Variants in PLAC8 observed in about 807,000 individuals in gnomAD.
PLAC8 encodes the protein placenta-specific gene 8 protein.
A neutral mutation model predicts 12.6 loss-of-function variants in PLAC8; 6 were observed. The ratio of observed to expected loss-of-function variants is 0.48; its 90% CI spans 0.26 to 0.94. PLAC8 has a LOEUF of 0.94. PLAC8 is among the 40% of genes least tolerant of loss of function. PLAC8 has a pLI of 0.14. For synonymous variants in PLAC8, 54 were observed against 52.6 expected (o/e 1.03, Z -0.11); for missense variants, 122 against 152.7 (o/e 0.80, Z 1.06).
intron 2 of PLAC8, among the ~76,000 whole-genome samples, chr4:83,105,985 T>A (rs1399252528): frequency 6.6e-6 from 1 of 152,058 alleles, no homozygotes; most frequent in Non-Finnish European, 1.5e-5. Flanking sequence ...AGTGTGTAAT[T>A]CTTTTTTTAT....
chr4:83,096,184 C>CT (rs1188899421), intron 3 of PLAC8, among the ~76,000 whole-genome samples: 3 of 152,178 alleles, frequency 2.0e-5, no homozygotes, highest in East Asian at 3.8e-4. Context: ...TTGGTTCAGC[C>CT]TACACCCAGG....
At chr4:83,105,057 T>G in intron 2 of PLAC8, 37 bp from the exon 3 acceptor site, 1 of 1,613,038 alleles carries the variant, frequency 6.2e-7, no homozygotes, top group South Asian at 1.1e-5. Context: ...ATTACTCCAC[T>G]CTGCCCCTGC....
At chr4:83,098,750 AT>A (rs1732010254) in intron 3 of PLAC8, among the ~76,000 whole-genome samples, 3 of 142,874 alleles carry the variant, frequency 2.1e-5, no homozygotes, top group African/African-American at 5.1e-5. Context: ...TTTTTTTTTA[AT>A]TTTTTTGAGT....
At chr4:83,111,198 G>A (rs1385002257) in intron 1 of PLAC8, among the ~76,000 whole-genome samples, 1 of 152,116 alleles carries the variant, frequency 6.6e-6, no homozygotes, top group African/African-American at 2.4e-5. Flanking sequence ...TGAGCTCCTG[G>A]CCTCAAGTGA....
chr4:83,104,772 C>A, intron 3 of PLAC8, 124 bp downstream of exon 3: 1 of 1,035,606 alleles, frequency 9.7e-7, no homozygotes, highest in Non-Finnish European at 1.5e-6. Flanking sequence ...TGCAAGATTG[C>A]ACATGCTAGG....
intron 3 of PLAC8, among the ~76,000 whole-genome samples, chr4:83,104,172 A>C (rs1732181046): frequency 6.6e-6 from 1 of 152,216 alleles, no homozygotes; most frequent in Non-Finnish European, 1.5e-5. Flanking sequence ...GTTTTTTGAG[A>C]CATAATGTTA....
At chr4:83,105,669 C>A (rs1732218654) in intron 2 of PLAC8, among the ~76,000 whole-genome samples, 1 of 152,066 alleles carries the variant, frequency 6.6e-6, no homozygotes, top group Non-Finnish European at 1.5e-5. Flanking sequence ...TATGAGGAAC[C>A]ACTGAAACAT....
At chr4:83,101,535 G>A (rs1732102146) in intron 3 of PLAC8, among the ~76,000 whole-genome samples, 1 of 152,236 alleles carries the variant, frequency 6.6e-6, no homozygotes, top group South Asian at 2.1e-4. Flanking sequence ...GGTGTGGCAA[G>A]TTATCCAGAA....
chr4:83,096,440 CA>C (rs143824004), intron 3 of PLAC8, among the ~76,000 whole-genome samples: 1,700 of 152,020 alleles, frequency 0.011, 35 homozygotes, highest in African/African-American at 0.039. Context: ...CACTTGTGAA[CA>C]AAATTTAAAT....
chr4:83,112,462 G>A (rs1732446370), intron 1 of PLAC8, among the ~76,000 whole-genome samples: 1 of 151,948 alleles, frequency 6.6e-6, no homozygotes, highest in Non-Finnish European at 1.5e-5. Context: ...GAGCAGAATG[G>A]GGGGCCCCAG....
rs570938831 is a variant in PLAC8, at chr4:83,110,588, C to T, written c.-29-2638G>A. ...AGGAGCTCACTAGCGCCCCCGCCACCACGCTCTCCGCTTCCGGGCTGGCTG... is the reference window on the plus strand; with the variant it reads ...AGGAGCTCACTAGCGCCCCCGCCACTACGCTCTCCGCTTCCGGGCTGGCTG... On this transcript the variant is annotated intron_variant, in intron 1 of 4. Coordinates refer to ENST00000311507, the MANE Select transcript of PLAC8 (RefSeq NM_016619.3). Among the ~76,000 whole-genome samples the T allele has an allele frequency of 2.6e-5, 4 of 152,344 alleles. No homozygotes were observed. In the East Asian group the frequency reaches 5.8e-4, roughly 22 times the overall value.
intron 1 of PLAC8, among the ~76,000 whole-genome samples, chr4:83,111,596 A>G (rs1201366086): frequency 6.6e-6 from 1 of 152,218 alleles, no homozygotes; most frequent in African/African-American, 2.4e-5. Context: ...CTGGTATTCA[A>G]TAAATAAAGA....
chr4:83,100,033 G>A (rs912877958), intron 3 of PLAC8, among the ~76,000 whole-genome samples: 48 of 147,220 alleles, frequency 3.3e-4, no homozygotes, highest in Middle Eastern at 3.8e-3. Context: ...ACTGCCGGGC[G>A]CGCGAGGCGG....
chr4:83,095,579 G>A (rs930133376), intron 3 of PLAC8, among the ~76,000 whole-genome samples: 4 of 152,188 alleles, frequency 2.6e-5, no homozygotes, highest in African/African-American at 7.2e-5. Flanking sequence ...GAAAGAAAGG[G>A]GTAGGGGGAG....
Position 83,104,899 on chromosome 4 carries a change from G to A in PLAC8, c.240C>T (p.Ile80=). The change falls in exon 3 of 5, where the codon ATC becomes ATT. Residue 80 remains isoleucine (I), a synonymous_variant. Transcript: ENST00000311507. ...MRTLYRTRYG[I]PGSICDDYMA... ...GATGGTATGGTAAGAGACTCACAGG[G>A]ATGCCATATCGGGTCCTGTAGAGAG... is the stretch of plus-strand genomic sequence containing the variant. 1 of 1,613,978 alleles carries A rather than the reference G, an allele frequency of 6.2e-7. No homozygotes were observed. The highest frequency in any genetic ancestry group is 8.5e-7 in the Non-Finnish European group (1 of 1,179,916).
rs921702133 is a variant in PLAC8, at chr4:83,090,810, T to C, written c.*171A>G. 4 of 152,106 alleles carry C rather than the reference T, an allele frequency of 2.6e-5. No individual in the cohort carries two copies. The highest frequency in any genetic ancestry group is 9.7e-5 in the African/African-American group (4 of 41,416). The allele number at this position is 152,106 out of a possible 1,614,324, so 9.4% of individuals were successfully genotyped here. On this transcript the variant is annotated 3_prime_UTR_variant, in exon 5 of 5. Coordinates refer to ENST00000311507, the MANE Select transcript of PLAC8 (RefSeq NM_016619.3). ...AACTAAGTTGCACCATTTAGCTAAG[T>C]TCAGGGACAACATTCATTTATAATA...
intron 1 of PLAC8, among the ~76,000 whole-genome samples, chr4:83,114,059 G>C (rs1732480765): frequency 6.6e-6 from 1 of 151,262 alleles, no homozygotes; most frequent in Admixed American, 6.6e-5. Context: ...ACTGTTTATT[G>C]ATGTTAAATT....
At chr4:83,108,138 A>T (rs923404295) in intron 1 of PLAC8, among the ~76,000 whole-genome samples, 188 bp from the exon 2 acceptor site, 24 of 149,414 alleles carry the variant, frequency 1.6e-4, no homozygotes, top group Non-Finnish European at 2.2e-4. Flanking sequence ...AGTATAATAA[A>T]ATATATATAT....
chr4:83,100,141 C>T (rs529137087), intron 3 of PLAC8, among the ~76,000 whole-genome samples: 9 of 151,212 alleles, frequency 6.0e-5, no homozygotes, highest in East Asian at 3.9e-4. Flanking sequence ...AATAGCCAGG[C>T]GTGGTGGCGG....
Sources: gnomAD v4.1 joint callset for allele counts (sites outside exome capture counted in the v4.1 genomes callset) on GRCh38, gnomAD v4.1.1 for gene constraint, MANE v1.5 for transcripts, NCBI Gene and HGNC (gene_info 2026-07-23, HGNC 2026-07-21) for gene names.